USH2A: variants seen among roughly 807,000 people sequenced by gnomAD.
The protein encoded by USH2A is Usher syndrome 2A (autosomal recessive, mild).
Under a neutral mutation model 538.9 loss-of-function variants are expected in USH2A, and 443 were observed. That is an observed-to-expected ratio of 0.82 (90% CI 0.76 to 0.89). USH2A has a LOEUF of 0.89. Ranked by LOEUF, USH2A falls within the 40% of genes least tolerant of loss-of-function variation. The pLI is 0.00. For synonymous variants in USH2A, 2,413 were observed against 2,273.5 expected, an observed-to-expected ratio of 1.06 and a Z score of -1.75; for missense variants, 6,633 against 6,324.8, an observed-to-expected ratio of 1.05 and a Z score of -1.65.
chr1:215,764,943 T>C (rs1661087435), intron 56 of USH2A, among the ~76,000 whole-genome samples: 1 of 151,766 alleles, frequency 6.6e-6, no homozygotes, highest in South Asian at 2.1e-4. Flanking sequence ...TTTCTTTGCA[T>C]GATTATTTGT....
At chr1:216,099,328 T>C (rs2032521703) in intron 21 of USH2A, among the ~76,000 whole-genome samples, 1 of 152,104 alleles carries the variant, frequency 6.6e-6, no homozygotes, top group Non-Finnish European at 1.5e-5. Context: ...CTCCACAGAA[T>C]AGAATTGTTT....
intron 37 of USH2A, among the ~76,000 whole-genome samples, chr1:215,959,417 G>A (rs1667144725): frequency 6.6e-6 from 1 of 151,418 alleles, no homozygotes; most frequent in African/African-American, 2.4e-5. Flanking sequence ...TTCTTTCCCG[G>A]TCCTTACCTT....
intron 13 of USH2A, among the ~76,000 whole-genome samples, chr1:216,237,545 G>C (rs189566434): frequency 1.2e-4 from 18 of 149,232 alleles, no homozygotes; most frequent in Non-Finnish European, 2.5e-4. Flanking sequence ...CACTCTTTCA[G>C]AGTATACATT....
chr1:216,015,047 T>G (rs1258696624), intron 32 of USH2A, among the ~76,000 whole-genome samples: 1 of 152,226 alleles, frequency 6.6e-6, no homozygotes, highest in African/African-American at 2.4e-5. Flanking sequence ...CGAAAACTTC[T>G]TAATATTTCA....
At chr1:215,752,719 A>G (rs1369761470) in intron 58 of USH2A, among the ~76,000 whole-genome samples, 1 of 152,156 alleles carries the variant, frequency 6.6e-6, no homozygotes, top group Non-Finnish European at 1.5e-5. Flanking sequence ...CCAGTAAAAT[A>G]TTATTCTCCC....
At chr1:215,879,151 T>C (rs575726378) in intron 41 of USH2A, 53 bp from the exon 42 acceptor site, 9 of 1,525,910 alleles carry the variant, frequency 5.9e-6, no homozygotes, top group South Asian at 2.2e-5. Context: ...AATAGAGCAA[T>C]TGAAGTTCAC....
intron 38 of USH2A, among the ~76,000 whole-genome samples, chr1:215,903,338 T>C (rs1665552096): frequency 6.6e-6 from 1 of 152,032 alleles, no homozygotes; most frequent in Admixed American, 6.6e-5. Context: ...GCAGATACAG[T>C]GAGCTTAGAC....
chr1:215,822,343 T>TA (rs1158810217), intron 47 of USH2A, among the ~76,000 whole-genome samples: 2 of 151,908 alleles, frequency 1.3e-5, no homozygotes, highest in Non-Finnish European at 2.9e-5. Flanking sequence ...TTTACTCCTT[T>TA]AGTTAAATTG....
At chr1:216,060,458 T>C (rs1175457818) in intron 30 of USH2A, among the ~76,000 whole-genome samples, 1 of 152,222 alleles carries the variant, frequency 6.6e-6, no homozygotes, top group East Asian at 1.9e-4. Flanking sequence ...GCAAAAGCTA[T>C]ATTATTATTT....
intron 14 of USH2A, among the ~76,000 whole-genome samples, chr1:216,231,237 T>TATATATATATATTATATATATA (rs71161409): frequency 1.1e-3 from 44 of 41,038 alleles, no homozygotes; most frequent in South Asian, 3.0e-3. Flanking sequence ...ATATCCCATA[T>TATATATATATATTATATATATA]ATATATATAT....
intron 39 of USH2A, 113 bp downstream of exon 39, chr1:215,900,642 A>T: frequency 7.3e-7 from 1 of 1,365,164 alleles, no homozygotes; most frequent in Admixed American, 1.9e-5. Context: ...GTTTTTTTGT[A>T]CTTTTAAAAG....
At chr1:216,016,568 T>G (rs1259752706) in intron 32 of USH2A, among the ~76,000 whole-genome samples, 1 of 152,170 alleles carries the variant, frequency 6.6e-6, no homozygotes, top group African/African-American at 2.4e-5. Flanking sequence ...CTTCAACATA[T>G]GCGTAGTTTG....
At chr1:216,292,631 G>T (rs1478197937) in intron 9 of USH2A, among the ~76,000 whole-genome samples, 3 of 151,994 alleles carry the variant, frequency 2.0e-5, no homozygotes, top group Admixed American at 6.6e-5. Context: ...TTGTGGGTAC[G>T]TAGTAGGTGT....
chr1:215,649,259 G>A (rs571581682), intron 65 of USH2A, among the ~76,000 whole-genome samples: 1 of 152,148 alleles, frequency 6.6e-6, no homozygotes, highest in African/African-American at 2.4e-5. Flanking sequence ...ATAAGTATTG[G>A]AGGGCTTGAA....
rs1302699517 is a variant in USH2A at position 216,365,078 on chromosome 1, T to C, written c.659A>G (p.Gln220Arg). 3 of 1,612,308 alleles carry C rather than the reference T, an allele frequency of 1.9e-6. No individual in the cohort carries two copies. The highest frequency in any genetic ancestry group is 2.5e-6 in the Non-Finnish European group (3 of 1,179,108). Residue 220 changes from glutamine (Q) to arginine (R), a missense_variant, in exon 4 of 72, where the codon CAG becomes CGG. Physicochemically the swap from Gln to Arg is conservative, Grantham distance 43. Transcript: ENST00000307340. ...ATTGATAAAGAAGCTGATTTTTGTC[T>C]GATGCACCTGTAAGAAATTACCACC... The part of the protein sequence containing the change: ...KWIHLSVQVH[Q>R]TKISFFINGV...
intron 32 of USH2A, among the ~76,000 whole-genome samples, chr1:216,016,554 C>A (rs538330747): frequency 2.6e-5 from 4 of 152,154 alleles, no homozygotes; most frequent in African/African-American, 4.8e-5. Flanking sequence ...CATCTCCTGA[C>A]TCTCTTCAAC....
chr1:215,941,063 A>G (rs1325689159), intron 37 of USH2A, among the ~76,000 whole-genome samples: 2 of 152,018 alleles, frequency 1.3e-5, no homozygotes, highest in Non-Finnish European at 2.9e-5. Context: ...ATTTTTCCCC[A>G]TCAAGCTCTC....
chr1:215,785,105 C>T (rs1307744488), intron 52 of USH2A, among the ~76,000 whole-genome samples: 4 of 152,082 alleles, frequency 2.6e-5, no homozygotes, highest in Non-Finnish European at 5.9e-5. Context: ...TGTTCTAAAT[C>T]CAAATAACGA....
At chr1:216,197,959 A>C (rs1245754136) in intron 18 of USH2A, among the ~76,000 whole-genome samples, 2 of 152,210 alleles carry the variant, frequency 1.3e-5, no homozygotes, top group Non-Finnish European at 2.9e-5. Context: ...TTCATTGAAC[A>C]TAAATTAGGC....
Sources: gnomAD v4.1 joint callset for allele counts (sites outside exome capture counted in the v4.1 genomes callset) on GRCh38, gnomAD v4.1.1 for gene constraint, MANE v1.5 for transcripts, NCBI Gene and HGNC (gene_info 2026-07-23, HGNC 2026-07-21) for gene names.